USH2A: variants seen among roughly 807,000 people sequenced by gnomAD.
USH2A encodes usherin.
USH2A carries 443 observed loss-of-function variants against 538.9 expected under a neutral mutation model. That is an observed-to-expected ratio of 0.82 (90% CI 0.76 to 0.89). USH2A has a LOEUF of 0.89. USH2A is among the 40% of genes least tolerant of loss of function. The pLI, the probability that USH2A is intolerant of heterozygous loss-of-function variation, is 0.00. For synonymous variants in USH2A, 2,413 were observed against 2,273.5 expected, an observed-to-expected ratio of 1.06 and a Z score of -1.75; for missense variants, 6,633 against 6,324.8, an observed-to-expected ratio of 1.05 and a Z score of -1.65.
intron 61 of USH2A, among the ~76,000 whole-genome samples, chr1:215,710,741 A>G (rs1381615880): frequency 1.3e-5 from 2 of 152,162 alleles, no homozygotes; most frequent in African/African-American, 2.4e-5. Flanking sequence ...TGTGTACTCA[A>G]TTGAGCCATT....
intron 50 of USH2A, among the ~76,000 whole-genome samples, chr1:215,793,846 A>T (rs192161489): frequency 2.1e-3 from 322 of 152,310 alleles, no homozygotes; most frequent in African/African-American, 7.6e-3. Flanking sequence ...TTCCAAAGTC[A>T]TCTCATGATC....
intron 11 of USH2A, among the ~76,000 whole-genome samples, chr1:216,264,639 G>A (rs888219722): frequency 3.3e-5 from 5 of 152,052 alleles, no homozygotes; most frequent in Admixed American, 2.6e-4. Context: ...TTCAAAAAGA[G>A]CAAGACTGAG....
chr1:216,294,414 TA>T (rs1470606291), intron 9 of USH2A, among the ~76,000 whole-genome samples: 5 of 152,008 alleles, frequency 3.3e-5, no homozygotes, highest in Non-Finnish European at 5.9e-5. Flanking sequence ...AAAAATCATA[TA>T]TTTTGTATTA....
chr1:216,191,340 A>G (rs2102656228), intron 19 of USH2A, among the ~76,000 whole-genome samples: 1 of 152,092 alleles, frequency 6.6e-6, no homozygotes, highest in East Asian at 1.9e-4. Context: ...CTTTCTCTTT[A>G]GGGGTAAAAT....
chr1:216,321,187 T>TGGTATAATTGTTG (rs2037601659), intron 9 of USH2A, among the ~76,000 whole-genome samples: 1 of 152,178 alleles, frequency 6.6e-6, no homozygotes, highest in Non-Finnish European at 1.5e-5. Context: ...TATTATCTAC[T>TGGTATAATTGTTG]CTCATTATTG....
intron 35 of USH2A, among the ~76,000 whole-genome samples, chr1:215,985,975 A>G (rs1667864029): frequency 6.6e-6 from 1 of 152,216 alleles, no homozygotes; most frequent in Admixed American, 6.5e-5. Flanking sequence ...ATTTTGACAT[A>G]TGTTCACATA....
Position 215,741,537 on chromosome 1 carries a change from C to T in USH2A, c.11549G>A (p.Gly3850Glu). The T allele has an allele frequency of 6.2e-7, 1 of 1,602,952 alleles. No homozygotes were observed. The highest frequency in any genetic ancestry group is 1.1e-5 in the South Asian group (1 of 88,608). Residue 3850 changes from glycine (G) to glutamate (E), a missense_variant and splice_region_variant, in exon 60 of 72, where the codon GGA (glycine) becomes GAA (glutamate). Physicochemically the swap from Gly to Glu is moderately conservative, Grantham distance 98. Coordinates refer to ENST00000307340, the MANE Select transcript of USH2A (RefSeq NM_206933.4). ...CATCCTACTGCTAACTCCACAACTT[C>T]CTTGAAAAAAAAAAAATTGAGGTCT... is the stretch of plus-strand genomic sequence containing the variant. ...YEIRIQACQN[G>E]SCGVSSRMFV...
intron 30 of USH2A, among the ~76,000 whole-genome samples, chr1:216,051,943 G>A (rs1197737787): frequency 1.3e-5 from 2 of 152,160 alleles, no homozygotes; most frequent in African/African-American, 4.8e-5. Context: ...AAGTTATAAG[G>A]AAGGGTATTC....
chr1:216,383,745 A>G (rs1263121608), intron 3 of USH2A, among the ~76,000 whole-genome samples: 1 of 152,114 alleles, frequency 6.6e-6, no homozygotes, highest in Admixed American at 6.6e-5. Flanking sequence ...TGGCACGACC[A>G]TGGCTCACAG....
At chr1:215,997,940 C>A (rs1321018211) in intron 34 of USH2A, among the ~76,000 whole-genome samples, 1 of 151,952 alleles carries the variant, frequency 6.6e-6, no homozygotes, top group Non-Finnish European at 1.5e-5. Context: ...TCTGATTGCC[C>A]TTGTTTTGTG....
chr1:216,414,985 G>GC (rs2039551916), intron 3 of USH2A, among the ~76,000 whole-genome samples: 1 of 151,974 alleles, frequency 6.6e-6, no homozygotes, highest in South Asian at 2.1e-4. Context: ...AAATGTTCTT[G>GC]CAGTTATACA....
chr1:216,246,668 G>T lies in USH2A; in HGVS notation c.2726C>A (p.Pro909His), dbSNP rs752748453. 7 of 1,613,956 alleles carry T rather than the reference G, an allele frequency of 4.3e-6. No homozygotes were observed. In the African/African-American group the frequency reaches 8.0e-5, roughly 18 times the overall value. ...MCECDSLGTL[P>H]GTICDPISGQ... is the part of the protein sequence containing the mutation. The stretch of plus-strand genomic sequence containing the variant: ...ACTGATTGGGTCACAAATGGTCCCA[G>T]GTAATGTCCCCAAGGAATCACACTC... The change falls in exon 13 of 72, where the codon CCT (proline) becomes CAT (histidine). Residue 909 changes from proline (P) to histidine (H), a missense_variant. By Grantham distance (77) the Pro-to-His change is moderately conservative. Transcript: ENST00000307340.
chr1:215,845,572 T>C (rs1663815793), intron 45 of USH2A, among the ~76,000 whole-genome samples: 1 of 152,160 alleles, frequency 6.6e-6, no homozygotes, highest in Admixed American at 6.6e-5. Flanking sequence ...AGTTCTAAAA[T>C]AAGTATACAC....
intron 41 of USH2A, among the ~76,000 whole-genome samples, chr1:215,886,295 G>A (rs1450213408): frequency 6.6e-6 from 1 of 152,126 alleles, no homozygotes; most frequent in Non-Finnish European, 1.5e-5. Flanking sequence ...TTTACAAAGA[G>A]AAGTCGTTGT....
intron 16 of USH2A, among the ~76,000 whole-genome samples, chr1:216,205,774 A>G (rs2035099199): frequency 6.6e-6 from 1 of 152,176 alleles, no homozygotes; most frequent in African/African-American, 2.4e-5. Context: ...GGTTTCTTAA[A>G]CTAGTGTGTA....
chr1:216,173,005 G>C (rs2034300788), intron 21 of USH2A, among the ~76,000 whole-genome samples: 1 of 152,238 alleles, frequency 6.6e-6, no homozygotes, highest in East Asian at 1.9e-4. Flanking sequence ...CAATGGGCAA[G>C]TCACTCACTG....
chr1:216,093,964 C>G (rs1223634949), intron 22 of USH2A, among the ~76,000 whole-genome samples: 7 of 152,202 alleles, frequency 4.6e-5, no homozygotes, highest in Non-Finnish European at 8.8e-5. Flanking sequence ...AAAACAAAAT[C>G]AACCTCAAGG....
At chr1:215,763,923 A>T (rs758709543) in intron 56 of USH2A, among the ~76,000 whole-genome samples, 1 of 152,164 alleles carries the variant, frequency 6.6e-6, no homozygotes, top group Non-Finnish European at 1.5e-5. Flanking sequence ...TATGTATTAC[A>T]TATGGAAAAG....
chr1:216,005,369 C>G (rs951193451), intron 32 of USH2A, among the ~76,000 whole-genome samples: 2 of 152,086 alleles, frequency 1.3e-5, no homozygotes, highest in African/African-American at 4.8e-5. Context: ...AAAACAAGTT[C>G]AATATTGCCT....
Sources: gnomAD v4.1 joint callset for allele counts (sites outside exome capture counted in the v4.1 genomes callset) on GRCh38, gnomAD v4.1.1 for gene constraint, MANE v1.5 for transcripts, NCBI Gene and HGNC (gene_info 2026-07-23, HGNC 2026-07-21) for gene names.